KLK5: variants seen among roughly 807,000 people sequenced by gnomAD.
KLK5 encodes kallikrein related peptidase 5, also known as kallikrein-5.
A neutral mutation model predicts 24.0 loss-of-function variants in KLK5; 18 were observed. The observed-to-expected ratio is 0.75, with a 90% CI of 0.52 to 1.11. The LOEUF is 1.11. Ranked by LOEUF, KLK5 falls within the 50% of genes most tolerant of loss-of-function variation. KLK5 has a pLI of 0.00. For missense variants in KLK5, 374 were observed against 379.2 expected (o/e 0.99, Z 0.11); for synonymous variants, 140 against 154.0 (o/e 0.91, Z 0.67).
intron 2 of KLK5, among the ~76,000 whole-genome samples, chr19:50,950,890 CAAAAAAAA>C (rs10650166): frequency 1.0e-5 from 1 of 99,996 alleles, no homozygotes; most frequent in Non-Finnish European, 1.9e-5. Flanking sequence ...AGACTGTCTC[CAAAAAAAA>C]AAAAAAAAAA....
At position 50,949,964 on chromosome 19, in the gene KLK5, G is replaced by A. The variant is rs751782967; in HGVS notation, c.226C>T (p.His76Tyr). 2.5e-6 allele frequency: 4 copies of A among 1,613,788 alleles called. No homozygotes were observed. The South Asian group carries it at 4.4e-5, about 18-fold the overall frequency. ...AGCGCGGCCTGCCACGGCTGGGTGT[G>A]CATATCGCAGTCGGATCCATTGATG... ...RIINGSDCDM[H>Y]TQPWQAALLL... Residue 76 changes from histidine to tyrosine, a missense_variant, in exon 3 of 6, where the codon CAC becomes TAC. Coordinates refer to ENST00000336334, the MANE Select transcript of KLK5 (RefSeq NM_012427.5).
intron 5 of KLK5, among the ~76,000 whole-genome samples, chr19:50,945,028 C>T (rs190058496): frequency 1.4e-5 from 2 of 141,958 alleles, no homozygotes; most frequent in Admixed American, 1.4e-4. Context: ...CTCCTTCCTT[C>T]CTTCCTTTCT....
In KLK5 at chr19:50,947,748, C is replaced by G. The variant is rs1480968140; in HGVS notation, c.726+892G>C. Reference sequence around the variant, plus strand: ...GATTTTGTTGAAACAAGACACTTAACTACCACACGCCTGAAAACTGCCAAA... The same window carrying G: ...GATTTTGTTGAAACAAGACACTTAAGTACCACACGCCTGAAAACTGCCAAA... On this transcript the variant is annotated intron_variant, in intron 5 of 5. Coordinates refer to ENST00000336334, the MANE Select transcript of KLK5 (RefSeq NM_012427.5). This position sits in a 1 kb window ranked among gnomAD's most constrained non-coding sequence, Gnocchi z 8.7. Among the ~76,000 whole-genome samples, 3 of 152,208 alleles carry G rather than the reference C, an allele frequency of 2.0e-5. No homozygotes were observed. Among genetic ancestry groups the G allele is most frequent in the African/African-American group, 4.8e-5 (2 of 41,456 alleles).
At chr19:50,945,327 C>T (rs1400960522) in intron 5 of KLK5, among the ~76,000 whole-genome samples, 1 of 150,690 alleles carries the variant, frequency 6.6e-6, no homozygotes, top group Non-Finnish European at 1.5e-5. Context: ...TATTGCCTGT[C>T]TTCCACTTGG....
At chr19:50,945,324 T>A (rs1301395462) in intron 5 of KLK5, among the ~76,000 whole-genome samples, 1 of 151,338 alleles carries the variant, frequency 6.6e-6, no homozygotes, top group Non-Finnish European at 1.5e-5. Context: ...CTTTATTGCC[T>A]GTCTTCCACT....
chr19:50,943,625 G>T lies in KLK5; in HGVS notation c.*6C>A. ...GGGATGCCGGTGTGCTGAGTCCTGG[G>T]ATGACTCAGGAGTTGGCCTGGATGG... On this transcript the variant is annotated 3_prime_UTR_variant, in exon 6 of 6. Coordinates refer to ENST00000336334, the MANE Select transcript of KLK5 (RefSeq NM_012427.5). 8 of 1,612,734 alleles carry T rather than the reference G, an allele frequency of 5.0e-6. No individual in the cohort carries two copies. Among genetic ancestry groups the T allele is most frequent in the Non-Finnish European group, 6.8e-6 (8 of 1,179,002 alleles).
Position 50,943,549 on chromosome 19 carries a change from G to A in KLK5, c.*82C>T, listed in dbSNP as rs1322209588. ...GAGATGAACATTCTCAACATCTCTG[G>A]GAAGGAATGAGGGTCTGAAAGGAGT... On this transcript the variant is annotated 3_prime_UTR_variant, in exon 6 of 6. Coordinates refer to ENST00000336334, the MANE Select transcript of KLK5 (RefSeq NM_012427.5). The A allele has an allele frequency of 1.8e-5, 23 of 1,288,442 alleles. No individual in the cohort carries two copies. The highest frequency in any genetic ancestry group is 2.5e-5 in the Non-Finnish European group (23 of 903,434). 79.8% of individuals were successfully genotyped at this position (1,288,442 alleles called of 1,614,324 possible).
At chr19:50,949,738 A>ACCCCCCCTCCCCCCCCCCCCC in intron 3 of KLK5, 117 bp downstream of exon 3, 1 of 197,196 alleles carries the variant, frequency 5.1e-6, no homozygotes, top group South Asian at 3.8e-5. Flanking sequence ...TGACACCCCC[A>ACCCCCCCTCCCCCCCCCCCCC]ACCCCACTTC....
intron 5 of KLK5, among the ~76,000 whole-genome samples, chr19:50,948,404 T>C (rs978474267): frequency 6.6e-6 from 1 of 152,164 alleles, no homozygotes; most frequent in African/African-American, 2.4e-5. Flanking sequence ...ATTACAGGTG[T>C]GAGCCACTGC....
intron 2 of KLK5, chr19:50,950,457 C>A: frequency 2.5e-6 from 1 of 400,580 alleles, no homozygotes; most frequent in Non-Finnish European, 4.7e-6. Context: ...GGAGGGAGAC[C>A]AGGGCTTTAG....
chr19:50,952,358 C>A (rs1192514551), intron 2 of KLK5, among the ~76,000 whole-genome samples: 1 of 152,104 alleles, frequency 6.6e-6, no homozygotes, highest in Non-Finnish European at 1.5e-5. Context: ...GTGCCACCTG[C>A]CGCACAGTCA....
chr19:50,949,942 G>A lies in KLK5; in HGVS notation c.248C>T (p.Ala83Val), dbSNP rs200271943. 1.4e-5 allele frequency: 22 copies of A among 1,613,664 alleles called. 1 individual carries two copies. The South Asian group carries it at 2.0e-4, about 14-fold the overall frequency. ...GAGCTGGTTGGGCCTTAGCAACAGCGCGGCCTGCCACGGCTGGGTGTGCAT... is the reference window on the plus strand; with the variant it reads ...GAGCTGGTTGGGCCTTAGCAACAGCACGGCCTGCCACGGCTGGGTGTGCAT... ...CDMHTQPWQA[A>V]LLLRPNQLYC... Residue 83 changes from alanine to valine, a missense_variant, in exon 3 of 6, where the codon GCG becomes GTG. Ala to Val is a moderately conservative substitution (Grantham distance 64, BLOSUM62 0). Coordinates refer to ENST00000336334, the MANE Select transcript of KLK5 (RefSeq NM_012427.5).
At chr19:50,944,802 G>C (rs2090616432) in intron 5 of KLK5, among the ~76,000 whole-genome samples, 1 of 151,998 alleles carries the variant, frequency 6.6e-6, no homozygotes, top group Non-Finnish European at 1.5e-5. Context: ...GTCTTCTAGG[G>C]GCAGAATCAC....
rs754521981 is a variant in KLK5 at position 50,943,797 on chromosome 19, GA to G, written c.727-12del. 61 of 1,606,478 alleles carry G rather than the reference GA, an allele frequency of 3.8e-5. No individual in the cohort carries two copies. The highest frequency in any genetic ancestry group is 4.9e-5 in the Non-Finnish European group (58 of 1,174,650). ...CCCCCCAGAATCACCCTGCAGGAGA[GA>G]AAGGGGGGCATGAGAGAGGCAGAGA... On this transcript the variant is annotated splice_polypyrimidine_tract_variant and intron_variant, in intron 5 of 5. Coordinates refer to ENST00000336334, the MANE Select transcript of KLK5 (RefSeq NM_012427.5).
rs149486880 is a variant in KLK5 at position 50,952,642 on chromosome 19, G to A, written c.16C>T (p.Pro6Ser). Residue 6 changes from proline (P) to serine (S), a missense_variant, in exon 2 of 6, where the codon CCC (proline) becomes TCC (serine). By Grantham distance (74) the Pro-to-Ser change is moderately conservative. Coordinates refer to ENST00000336334, the MANE Select transcript of KLK5 (RefSeq NM_012427.5). Reference protein sequence around the residue: MATARPPWMWVLCALI... With the variant: MATARSPWMWVLCALI... Reference sequence around the variant, plus strand: ...GCACAGAGCACCCACATCCAGGGGGGTCTTGCTGTAGCCATGGCCGCTGCA... The same window carrying A: ...GCACAGAGCACCCACATCCAGGGGGATCTTGCTGTAGCCATGGCCGCTGCA... The A allele has an allele frequency of 5.9e-5, 95 of 1,601,524 alleles. No individual in the cohort carries two copies. In the African/African-American group the frequency reaches 1.2e-3, roughly 20 times the overall value.
At chr19:50,950,163 G>T (rs2232531) in intron 2 of KLK5, 47 bp from the exon 3 acceptor site, 2 of 1,581,180 alleles carry the variant, frequency 1.3e-6, no homozygotes, top group South Asian at 2.2e-5. Flanking sequence ...CGGGGCTTGG[G>T]CTGGGGGTGG....
At chr19:50,949,165 T>TCCAACGCCAATC (rs2090662404) in intron 3 of KLK5, 50 bp from the exon 4 acceptor site, 8 of 1,575,172 alleles carry the variant, frequency 5.1e-6, no homozygotes, top group Non-Finnish European at 6.0e-6. Flanking sequence ...TATCTCCACG[T>TCCAACGCCAATC]CCAACGCCAA....
At position 50,948,632 on chromosome 19, in the gene KLK5, G is replaced by A. The variant is rs758344955; in HGVS notation, c.726+8C>T. The A allele has an allele frequency of 1.9e-6, 3 of 1,614,030 alleles. No homozygotes were observed. The highest frequency in any genetic ancestry group is 2.2e-5 in the South Asian group (2 of 91,072). ...GTGTATCTGCTGAATAAAGAGAGGTGTCCTCACCTGGCAGGAGTCTCTACC... is the reference window on the plus strand; with the variant it reads ...GTGTATCTGCTGAATAAAGAGAGGTATCCTCACCTGGCAGGAGTCTCTACC... On this transcript the variant is annotated splice_region_variant and intron_variant, in intron 5 of 5. Transcript: ENST00000336334.
chr19:50,949,272 C>T (rs1177483299), intron 3 of KLK5, among the ~76,000 whole-genome samples, 157 bp from the exon 4 acceptor site: 2 of 138,990 alleles, frequency 1.4e-5, no homozygotes, highest in African/African-American at 5.3e-5. Context: ...CCATGCCTGT[C>T]CCCATCCCAG....
Sources: gnomAD v4.1 joint callset for allele counts (sites outside exome capture counted in the v4.1 genomes callset) on GRCh38, gnomAD v4.1.1 for gene constraint, Gnocchi (gnomAD v3.1) non-coding constraint, MANE v1.5 for transcripts, NCBI Gene and HGNC (gene_info 2026-07-23, HGNC 2026-07-21) for gene names.